Variants in PRKAR2B observed in about 807,000 individuals in gnomAD.
PRKAR2B encodes the protein protein kinase cAMP-dependent type II regulatory subunit beta.
Under a neutral mutation model 49.9 loss-of-function variants are expected in PRKAR2B, and 14 were observed. The ratio of observed to expected loss-of-function variants is 0.28; its 90% CI spans 0.19 to 0.44. PRKAR2B has a LOEUF of 0.44. Among genes scored for constraint, PRKAR2B ranks in the 20% least tolerant of loss-of-function variants. PRKAR2B has a pLI of 1.00. For missense variants in PRKAR2B, 393 were observed against 537.9 expected, an observed-to-expected ratio of 0.73 and a Z score of 2.67; for synonymous variants, 196 against 197.7, an observed-to-expected ratio of 0.99 and a Z score of 0.07.
At chr7:107,154,745 A>G (rs1234008304) in intron 8 of PRKAR2B, among the ~76,000 whole-genome samples, 1 of 152,226 alleles carries the variant, frequency 6.6e-6, no homozygotes. Flanking sequence ...TGTCTGTATT[A>G]TTATCTTCCA....
rs571399701 is a variant in PRKAR2B at position 107,106,323 on chromosome 7, A to G, written c.344-15629A>G. Among the ~76,000 whole-genome samples, 5 of 152,318 alleles carry G rather than the reference A, an allele frequency of 3.3e-5. No individual in the cohort carries two copies. The South Asian group carries it at 1.0e-3, about 32-fold the overall frequency. On this transcript the variant is annotated intron_variant, in intron 2 of 10. Transcript: ENST00000265717. ...ATCTGGAACTGCATCGCACCCCACA[A>G]GAAAAATGGCTCGGCCTTGGTTATG... is the stretch of plus-strand genomic sequence containing the variant.
intron 2 of PRKAR2B, among the ~76,000 whole-genome samples, chr7:107,101,516 C>T (rs954176003): frequency 3.9e-5 from 6 of 152,254 alleles, no homozygotes; most frequent in East Asian, 3.8e-4. Flanking sequence ...CAGGCAGCCA[C>T]GGATGCTTGG....
chr7:107,052,168 C>G (rs1793818628), intron 1 of PRKAR2B, among the ~76,000 whole-genome samples: 1 of 152,084 alleles, frequency 6.6e-6, no homozygotes, highest in African/African-American at 2.4e-5. Flanking sequence ...CTATAATTCC[C>G]AGCACTCTGG....
intron 2 of PRKAR2B, among the ~76,000 whole-genome samples, chr7:107,080,069 C>T (rs1794487230): frequency 6.6e-6 from 1 of 152,100 alleles, no homozygotes; most frequent in South Asian, 2.1e-4. Flanking sequence ...TCAACTTGGA[C>T]ATTGACTGCC....
At chr7:107,114,369 T>C (rs2115564875) in intron 2 of PRKAR2B, among the ~76,000 whole-genome samples, 1 of 141,212 alleles carries the variant, frequency 7.1e-6, no homozygotes, top group Non-Finnish European at 1.5e-5. Context: ...TGTGTGTGTG[T>C]GTGTGTGTTT....
chr7:107,054,080 G>C (rs1186395729), intron 1 of PRKAR2B, among the ~76,000 whole-genome samples: 2 of 152,156 alleles, frequency 1.3e-5, no homozygotes, highest in Non-Finnish European at 2.9e-5. Context: ...CGTGTGTGGT[G>C]GCTCACAGCC....
intron 7 of PRKAR2B, 96 bp from the exon 8 acceptor site, chr7:107,153,081 T>C: frequency 1.4e-6 from 1 of 712,058 alleles, no homozygotes; most frequent in Non-Finnish European, 2.3e-6. Context: ...CTGCTCGATT[T>C]ATTTGGCCTA....
At chr7:107,158,598 T>C (rs257375) in intron 10 of PRKAR2B, among the ~76,000 whole-genome samples, 23,602 of 152,188 alleles carry the variant, frequency 0.16, 2,072 homozygotes, top group Middle Eastern at 0.21. Flanking sequence ...TCCAACTTTT[T>C]TGTGGGGAGC....
rs182394640 is a variant in PRKAR2B at position 107,061,960 on chromosome 7, T to G, written c.308-8321T>G. On this transcript the variant is annotated intron_variant, in intron 1 of 10. Transcript: ENST00000265717. ...TGGAATAGTGCTCAATATTTTTAGT[T>G]ATCAGGATAGTGAAAAAACCACTGT... 1.2e-3 allele frequency among the ~76,000 whole-genome samples: 182 copies of G among 152,226 alleles called. 1 individual carries two copies. The highest frequency in any genetic ancestry group is 4.2e-3 in the African/African-American group (174 of 41,550).
intron 1 of PRKAR2B, among the ~76,000 whole-genome samples, chr7:107,057,248 C>T (rs377060428): frequency 2.0e-5 from 3 of 152,264 alleles, no homozygotes; most frequent in African/African-American, 2.4e-5. Context: ...CATATCCACC[C>T]GCTTACCAAA....
At position 107,080,922 on chromosome 7, in the gene PRKAR2B, C is replaced by A. The variant is rs1243455487; in HGVS notation, c.343+10606C>A. On this transcript the variant is annotated intron_variant, in intron 2 of 10. Coordinates refer to ENST00000265717, the MANE Select transcript of PRKAR2B (RefSeq NM_002736.3). ...CATTTATTAGCTGTGTGACCTTGGG[C>A]AACTTACTTAAATGACCTTCTGTAA... Among the ~76,000 whole-genome samples the A allele has an allele frequency of 4.6e-5, 7 of 152,140 alleles. No homozygotes were observed. In the East Asian group the frequency reaches 1.3e-3, roughly 29 times the overall value.
intron 2 of PRKAR2B, 142 bp from the exon 3 acceptor site, chr7:107,121,810 T>G: frequency 2.4e-6 from 1 of 418,606 alleles, no homozygotes; most frequent in Non-Finnish European, 4.2e-6. Flanking sequence ...TTTTGGGGGG[T>G]AGACTGCTTC....
At chr7:107,090,421 T>A (rs762575480) in intron 2 of PRKAR2B, among the ~76,000 whole-genome samples, 4 of 152,186 alleles carry the variant, frequency 2.6e-5, no homozygotes, top group Non-Finnish European at 5.9e-5. Context: ...CTATCCTGGA[T>A]TGACCTGGAA....
At chr7:107,088,789 G>C (rs1275291852) in intron 2 of PRKAR2B, among the ~76,000 whole-genome samples, 1 of 152,014 alleles carries the variant, frequency 6.6e-6, no homozygotes, top group African/African-American at 2.4e-5. Context: ...TAGTAGACCC[G>C]TGGTTTTGCC....
chr7:107,089,432 G>C (rs1266424531), intron 2 of PRKAR2B, among the ~76,000 whole-genome samples: 2 of 152,130 alleles, frequency 1.3e-5, no homozygotes, highest in African/African-American at 4.8e-5. Flanking sequence ...GTAGAGTTTA[G>C]GGACCCTGTT....
At chr7:107,055,693 A>G (rs1165424044) in intron 1 of PRKAR2B, among the ~76,000 whole-genome samples, 1 of 152,038 alleles carries the variant, frequency 6.6e-6, no homozygotes, top group Non-Finnish European at 1.5e-5. Flanking sequence ...GTTTGAGTTC[A>G]TTGTAGATTC....
rs769193419 is a variant in PRKAR2B, at chr7:107,157,287, A to G, written c.1086A>G (p.Ala362=). 2.7e-5 allele frequency: 43 copies of G among 1,614,102 alleles called. No homozygotes were observed. In the South Asian group the frequency reaches 4.5e-4, roughly 17 times the overall value. The change falls in exon 10 of 11, where the codon GCA becomes GCG. Residue 362 remains alanine, a synonymous_variant. Coordinates refer to ENST00000265717, the MANE Select transcript of PRKAR2B (RefSeq NM_002736.3). The part of the protein sequence containing the change: ...ELALVTNKPR[A]ASAHAIGTVK... ...CCCTGGTAACTAACAAACCTCGAGC[A>G]GCTTCTGCCCACGCCATTGGGACTG...
At chr7:107,139,076 T>C (rs1795748792) in intron 4 of PRKAR2B, among the ~76,000 whole-genome samples, 1 of 151,770 alleles carries the variant, frequency 6.6e-6, no homozygotes, top group Non-Finnish European at 1.5e-5. Flanking sequence ...AACATCCTAT[T>C]TTTTTTTGGT....
intron 2 of PRKAR2B, among the ~76,000 whole-genome samples, chr7:107,117,293 C>G (rs917645103): frequency 3.3e-5 from 5 of 152,006 alleles, no homozygotes; most frequent in African/African-American, 1.2e-4. Context: ...TCTACTGAGT[C>G]ACAACTCTGT....
Sources: gnomAD v4.1 joint callset for allele counts (sites outside exome capture counted in the v4.1 genomes callset) on GRCh38, gnomAD v4.1.1 for gene constraint, MANE v1.5 for transcripts, NCBI Gene and HGNC (gene_info 2026-07-23, HGNC 2026-07-21) for gene names.